The following PTPRJ variants were observed in gnomAD, a reference collection of about 807,000 sequenced individuals.
PTPRJ encodes receptor-type tyrosine-protein phosphatase eta.
In PTPRJ, 129 loss-of-function variants were observed where a neutral mutation model predicts 141.3. The ratio of observed to expected loss-of-function variants is 0.91; its 90% CI spans 0.79 to 1.06. The LOEUF (loss-of-function observed/expected upper bound fraction) is 1.06, where lower values mean the gene tolerates loss of function less well. Among genes scored for constraint, PTPRJ ranks in the 50% least tolerant of loss-of-function variants. The probability of loss-of-function intolerance (pLI) is 0.00; values close to 1 mark genes in which losing one functional copy is unlikely to be tolerated. For missense variants in PTPRJ, 1,601 were observed against 1,679.7 expected, an observed-to-expected ratio of 0.95 and a Z score of 0.82; for synonymous variants, 610 against 640.5, an observed-to-expected ratio of 0.95 and a Z score of 0.72.
chr11:48,057,516 T>C (rs1397052075), intron 1 of PTPRJ, among the ~76,000 whole-genome samples: 1 of 152,086 alleles, frequency 6.6e-6, no homozygotes, highest in Non-Finnish European at 1.5e-5. Flanking sequence ...ACCAGGCCAG[T>C]CACGGGCAGC....
intron 1 of PTPRJ, among the ~76,000 whole-genome samples, chr11:48,086,329 G>T (rs937450076): frequency 1.3e-5 from 2 of 152,168 alleles, no homozygotes; most frequent in Non-Finnish European, 2.9e-5. Flanking sequence ...ACACCACCAT[G>T]CCTGGTTGAT....
intron 1 of PTPRJ, among the ~76,000 whole-genome samples, chr11:47,985,782 C>T (rs1252393337): frequency 3.9e-5 from 6 of 151,942 alleles, no homozygotes; most frequent in Non-Finnish European, 7.4e-5. Flanking sequence ...CTCACTGCAA[C>T]CTCCATCTCC....
chr11:48,146,933 T>A lies in PTPRJ; in HGVS notation c.2969T>A (p.Val990Glu). Reference sequence around the variant, plus strand: ...TTTGGTGCCCTGGTTATTGTGACTGTGGGAGGCTTCATCTTCTGGAGAAAG... The same window carrying A: ...TTTGGTGCCCTGGTTATTGTGACTGAGGGAGGCTTCATCTTCTGGAGAAAG... ...CIFGALVIVT[V>E]GGFIFWRKKR... The change falls in exon 15 of 25, where the codon GTG becomes GAG. Residue 990 changes from valine to glutamate, a missense_variant. Physicochemically the swap from Val to Glu is moderately radical, Grantham distance 121. Transcript: ENST00000418331. The A allele has an allele frequency of 6.2e-7, 1 of 1,614,132 alleles. No homozygotes were observed. The highest frequency in any genetic ancestry group is 8.5e-7 in the Non-Finnish European group (1 of 1,179,996).
intron 1 of PTPRJ, among the ~76,000 whole-genome samples, chr11:47,986,363 A>T (rs1590382300): frequency 6.6e-6 from 1 of 152,174 alleles, no homozygotes; most frequent in Admixed American, 6.6e-5. Flanking sequence ...GGAAAATGGG[A>T]CTAACACTTC....
In PTPRJ at chr11:47,989,627, T is replaced by A. The variant is rs1393647532; in HGVS notation, c.96+8619T>A. ...CCCTGTTCATTAAAAAAAAAAAATC[T>A]ATATCTATAGATAGATAGATATAGA... On this transcript the variant is annotated intron_variant, in intron 1 of 24. Coordinates refer to ENST00000418331, the MANE Select transcript of PTPRJ (RefSeq NM_002843.4). Among the ~76,000 whole-genome samples, 11 of 152,146 alleles carry A rather than the reference T, an allele frequency of 7.2e-5. No homozygotes were observed. The East Asian group carries it at 2.1e-3, about 29-fold the overall frequency.
rs554376021 is a variant in PTPRJ, at chr11:48,157,741, T to A, written c.3438+1622T>A. 4.1e-4 allele frequency among the ~76,000 whole-genome samples: 62 copies of A among 152,238 alleles called. 1 individual carries two copies. The highest frequency in any genetic ancestry group is 8.1e-4 in the Non-Finnish European group (55 of 68,042). On this transcript the variant is annotated intron_variant, in intron 21 of 24. Transcript: ENST00000418331. Reference sequence around the variant, plus strand: ...GGGCTGAGGATGGAGGAGGGAAAGATAACAGAGCAGTAAGAGATGACGCCC... The same window carrying A: ...GGGCTGAGGATGGAGGAGGGAAAGAAAACAGAGCAGTAAGAGATGACGCCC...
chr11:48,152,362 G>A (rs1392180557), intron 18 of PTPRJ, among the ~76,000 whole-genome samples: 7 of 152,006 alleles, frequency 4.6e-5, no homozygotes, highest in South Asian at 2.1e-4. Flanking sequence ...TTGTCAGATG[G>A]GTAGATTGCA....
At chr11:48,013,044 C>T (rs1330391803) in intron 1 of PTPRJ, among the ~76,000 whole-genome samples, 2 of 144,202 alleles carry the variant, frequency 1.4e-5, no homozygotes, top group Non-Finnish European at 3.0e-5. Flanking sequence ...GGGGAAGTTG[C>T]AGTGGGCTGA....
chr11:47,985,568 G>A (rs1854028044), intron 1 of PTPRJ, among the ~76,000 whole-genome samples: 1 of 152,188 alleles, frequency 6.6e-6, no homozygotes, highest in South Asian at 2.1e-4. Context: ...CTACTACGTG[G>A]CGGAGCCAGG....
chr11:48,147,029 C>T, intron 15 of PTPRJ, 66 bp downstream of exon 15: 1 of 1,329,486 alleles, frequency 7.5e-7, no homozygotes, highest in Non-Finnish European at 1.1e-6. Context: ...AGGAACATTT[C>T]AAACTTTGAC....
intron 1 of PTPRJ, among the ~76,000 whole-genome samples, chr11:48,016,857 TATCTTA>T (rs1315115113): frequency 6.6e-6 from 1 of 152,172 alleles, no homozygotes; most frequent in African/African-American, 2.4e-5. Context: ...TTACATACAT[TATCTTA>T]ATGAATGCAG....
chr11:48,083,713 GGACAGTGTCT>G (rs989240484), intron 1 of PTPRJ, among the ~76,000 whole-genome samples: 1 of 152,212 alleles, frequency 6.6e-6, no homozygotes, highest in African/African-American at 2.4e-5. Context: ...CCAGCACCCA[GGACAGTGTCT>G]GGCATGTAGT....
intron 1 of PTPRJ, among the ~76,000 whole-genome samples, chr11:48,038,974 C>T (rs962020654): frequency 1.3e-5 from 2 of 150,032 alleles, no homozygotes; most frequent in African/African-American, 4.9e-5. Context: ...CATGGTGAAA[C>T]CCCCGTCTCT....
intron 1 of PTPRJ, among the ~76,000 whole-genome samples, chr11:48,035,538 CTTTTTTTTTTTT>C (rs66504227): frequency 1.3e-4 from 8 of 61,748 alleles, no homozygotes; most frequent in East Asian, 1.1e-3. Context: ...CTTTCTTCTT[CTTTTTTTTTTTT>C]TTTTTTTTTT....
At chr11:48,011,425 C>T (rs962683472) in intron 1 of PTPRJ, among the ~76,000 whole-genome samples, 8 of 152,064 alleles carry the variant, frequency 5.3e-5, no homozygotes, top group African/African-American at 9.7e-5. Context: ...AAAGTAATGC[C>T]GATCAGGGGC....
intron 8 of PTPRJ, chr11:48,131,921 C>A: frequency 5.8e-6 from 1 of 171,450 alleles, no homozygotes; most frequent in Non-Finnish European, 1.2e-5. Context: ...AACTTTGATC[C>A]GATATGGGAT....
intron 1 of PTPRJ, among the ~76,000 whole-genome samples, chr11:48,064,916 C>T (rs537192667): frequency 4.6e-5 from 7 of 151,332 alleles, no homozygotes; most frequent in East Asian, 3.9e-4. Flanking sequence ...CCACTGCGCC[C>T]GGCTCTGAGC....
At chr11:47,987,525 C>T (rs1406277557) in intron 1 of PTPRJ, among the ~76,000 whole-genome samples, 1 of 152,184 alleles carries the variant, frequency 6.6e-6, no homozygotes, top group Non-Finnish European at 1.5e-5. Flanking sequence ...CAGATAGCAC[C>T]AACCAACCAG....
At chr11:48,001,894 A>G (rs1314881971) in intron 1 of PTPRJ, among the ~76,000 whole-genome samples, 3 of 151,954 alleles carry the variant, frequency 2.0e-5, no homozygotes, top group African/African-American at 7.3e-5. Context: ...TACCCCTCCC[A>G]CTTTGACATT....
Sources: gnomAD v4.1 joint callset for allele counts (sites outside exome capture counted in the v4.1 genomes callset) on GRCh38, gnomAD v4.1.1 for gene constraint, MANE v1.5 for transcripts, NCBI Gene and HGNC (gene_info 2026-07-23, HGNC 2026-07-21) for gene names.